EIF2B3: variants seen among roughly 807,000 people sequenced by gnomAD.
EIF2B3 encodes the protein eukaryotic translation initiation factor 2B subunit gamma, also known as translation initiation factor eIF2B subunit gamma.
A neutral mutation model predicts 54.1 loss-of-function variants in EIF2B3; 20 were observed. The observed-to-expected ratio is 0.37, with a 90% CI of 0.26 to 0.54. EIF2B3 has a LOEUF of 0.54. EIF2B3 is among the 20% of genes least tolerant of loss of function. The pLI, the probability that EIF2B3 is intolerant of heterozygous loss-of-function variation, is 0.86. For missense variants in EIF2B3, 448 were observed against 547.8 expected, an observed-to-expected ratio of 0.82 and a Z score of 1.82; for synonymous variants, 153 against 188.1, an observed-to-expected ratio of 0.81 and a Z score of 1.52.
intron 5 of EIF2B3, among the ~76,000 whole-genome samples, chr1:44,914,343 G>A (rs1569706549): frequency 6.6e-6 from 1 of 151,456 alleles, no homozygotes; most frequent in African/African-American, 2.4e-5. Flanking sequence ...TGTATTTTTA[G>A]TAGAAATGGG....
rs935287294 is a variant in EIF2B3, at chr1:44,927,506, C to T, written c.455-767G>A. 3.3e-5 allele frequency among the ~76,000 whole-genome samples: 5 copies of T among 152,220 alleles called. No homozygotes were observed. In the South Asian group the frequency reaches 6.2e-4, roughly 19 times the overall value. On this transcript the variant is annotated intron_variant, in intron 4 of 11. Transcript: ENST00000360403. ...CCCAAACACCTCCCACCAGGCCCTA[C>T]CTCCAACACTGGGGATTACATTTCA...
In EIF2B3 at chr1:44,874,842, T is replaced by C; in HGVS notation, c.1054-16A>G. The C allele has an allele frequency of 3.7e-6, 6 of 1,614,022 alleles. No individual in the cohort carries two copies. In the East Asian group the frequency reaches 1.3e-4, roughly 36 times the overall value. ...CAACTCCAACCTGTAAAAGGCAAAATATAAAACTCTGTCCACCCATCTCAA... is the reference window on the plus strand; with the variant it reads ...CAACTCCAACCTGTAAAAGGCAAAACATAAAACTCTGTCCACCCATCTCAA... On this transcript the variant is annotated splice_polypyrimidine_tract_variant and intron_variant, in intron 9 of 11. Coordinates refer to ENST00000360403, the MANE Select transcript of EIF2B3 (RefSeq NM_020365.5).
At chr1:44,971,858 C>T (rs1466404786) in intron 3 of EIF2B3, among the ~76,000 whole-genome samples, 1 of 151,622 alleles carries the variant, frequency 6.6e-6, no homozygotes, top group Non-Finnish European at 1.5e-5. Context: ...TGGTGAAACC[C>T]CGTCTCTATA....
At position 44,874,750 on chromosome 1, in the gene EIF2B3, G is replaced by A. The variant is rs774696817; in HGVS notation, c.1130C>T (p.Ser377Leu). 3.3e-5 allele frequency: 54 copies of A among 1,614,042 alleles called. No individual in the cohort carries two copies. The East Asian group carries it at 8.0e-4, about 24-fold the overall frequency. ...CACTCTATCTTTTATGAGACAGGAT[G>A]AGCCAATGACTGAGCGCTTAATGGA... Reference protein sequence around the residue: ...KSSIKRSVIGSSCLIKDRVTI... With the variant: ...KSSIKRSVIGLSCLIKDRVTI... Residue 377 changes from serine (S) to leucine (L), a missense_variant, in exon 10 of 12, where the codon TCA (serine) becomes TTA (leucine). Ser to Leu is a moderately radical substitution (Grantham distance 145, BLOSUM62 -2). This residue lies in a region of EIF2B3 where 350 missense variants were observed against 414.2 expected (regional missense o/e 0.85). Transcript: ENST00000360403.
rs541326168 is a variant in EIF2B3, at chr1:44,857,562, C to T, written c.1306+142G>A. On this transcript the variant is annotated intron_variant, in intron 11 of 11. Coordinates refer to ENST00000360403, the MANE Select transcript of EIF2B3 (RefSeq NM_020365.5). ...AAAAAATTGACAGTGATGTCAACTGCTCTCCAAAGATGGCTTTATCAATTT... is the reference window on the plus strand; with the variant it reads ...AAAAAATTGACAGTGATGTCAACTGTTCTCCAAAGATGGCTTTATCAATTT... 9.0e-6 allele frequency: 7 copies of T among 781,546 alleles called. No individual in the cohort carries two copies. The East Asian group carries it at 1.8e-4, about 20-fold the overall frequency. The allele number at this position is 781,546 out of a possible 1,614,324, so 48.4% of individuals were successfully genotyped here.
chr1:44,955,467 C>T (rs907981787), intron 3 of EIF2B3, among the ~76,000 whole-genome samples: 4 of 151,984 alleles, frequency 2.6e-5, no homozygotes, highest in African/African-American at 4.8e-5. Context: ...AAAGACTCCA[C>T]GACTAAAACA....
At chr1:44,963,928 C>T (rs371098) in intron 3 of EIF2B3, among the ~76,000 whole-genome samples, 28,557 of 152,010 alleles carry the variant, frequency 0.19, 2,843 homozygotes, top group African/African-American at 0.23. Context: ...TTAAAAGAAT[C>T]AGACTCAAAC....
At chr1:44,962,839 C>T (rs1446080103) in intron 3 of EIF2B3, among the ~76,000 whole-genome samples, 1 of 152,172 alleles carries the variant, frequency 6.6e-6, no homozygotes, top group Non-Finnish European at 1.5e-5. Context: ...ACTCTTTGTG[C>T]CAGGCCCAGA....
intron 5 of EIF2B3, among the ~76,000 whole-genome samples, chr1:44,917,733 T>A (rs1643652345): frequency 6.7e-6 from 1 of 150,136 alleles, no homozygotes; most frequent in Admixed American, 6.6e-5. Flanking sequence ...CACTTAGTAT[T>A]TATTTTGCCA....
intron 5 of EIF2B3, 68 bp from the exon 6 acceptor site, chr1:44,897,512 T>C (rs889783179): frequency 6.4e-6 from 8 of 1,250,630 alleles, no homozygotes; most frequent in Non-Finnish European, 9.0e-6. Context: ...GTCTCCATTC[T>C]ATTATCAGGT....
At chr1:44,894,122 A>G (rs1039625622) in intron 6 of EIF2B3, among the ~76,000 whole-genome samples, 1 of 152,198 alleles carries the variant, frequency 6.6e-6, no homozygotes, top group Non-Finnish European at 1.5e-5. Flanking sequence ...ACCAGCTGAC[A>G]TTATAAAACA....
chr1:44,922,738 T>A (rs552981028), intron 5 of EIF2B3, among the ~76,000 whole-genome samples: 2 of 152,104 alleles, frequency 1.3e-5, no homozygotes, highest in South Asian at 4.1e-4. Context: ...TAATTTTCAT[T>A]GTAGAGACCT....
At chr1:44,977,507 C>T (rs1329553744) in intron 3 of EIF2B3, among the ~76,000 whole-genome samples, 1 of 151,634 alleles carries the variant, frequency 6.6e-6, no homozygotes, top group East Asian at 1.9e-4. Context: ...CTCTGTTGCC[C>T]AGGCTGGAGT....
intron 3 of EIF2B3, among the ~76,000 whole-genome samples, chr1:44,957,664 G>A (rs991146125): frequency 2.0e-5 from 3 of 152,130 alleles, no homozygotes; most frequent in Admixed American, 2.0e-4. Context: ...TGGAGGCTGA[G>A]GCAGGATAAT....
At position 44,878,592 on chromosome 1, in the gene EIF2B3, T is replaced by C. The variant is rs1655275481; in HGVS notation, c.975+1226A>G. 2.0e-5 allele frequency among the ~76,000 whole-genome samples: 3 copies of C among 151,960 alleles called. No homozygotes were observed. In the South Asian group the frequency reaches 6.2e-4, roughly 32 times the overall value. On this transcript the variant is annotated intron_variant, in intron 8 of 11. Transcript: ENST00000360403. ...TCCCAATTTTCAACAATTTCTTTTA[T>C]ATTATTCTGCGCTCCACTGCCACCC...
At chr1:44,871,874 C>CTT (rs71040515) in intron 10 of EIF2B3, among the ~76,000 whole-genome samples, 16,436 of 118,776 alleles carry the variant, frequency 0.14, 1,465 homozygotes, top group Non-Finnish European at 0.17. Context: ...ACTTCACAAT[C>CTT]TTTTTTTTTT....
chr1:44,883,807 T>C (rs541151564), intron 6 of EIF2B3, among the ~76,000 whole-genome samples: 56 of 152,172 alleles, frequency 3.7e-4, no homozygotes, highest in Non-Finnish European at 6.5e-4. Flanking sequence ...GGAGTTACAG[T>C]AGCAGTCTAG....
chr1:44,961,931 C>T (rs1003859327), intron 3 of EIF2B3, among the ~76,000 whole-genome samples: 1 of 152,136 alleles, frequency 6.6e-6, no homozygotes, highest in African/African-American at 2.4e-5. Context: ...GTGGCTCACA[C>T]CTGTAATCCC....
At chr1:44,856,379 G>A (rs1654435195) in intron 11 of EIF2B3, among the ~76,000 whole-genome samples, 1 of 151,880 alleles carries the variant, frequency 6.6e-6, no homozygotes, top group African/African-American at 2.4e-5. Flanking sequence ...GCCAAGGGTG[G>A]TGGTGTGCCC....
Sources: allele counts gnomAD v4.1 joint callset (sites outside exome capture counted in the v4.1 genomes callset), GRCh38; gene constraint gnomAD v4.1.1; regional missense constraint gnomAD v4.1.1; transcripts MANE v1.5; gene names NCBI Gene and HGNC (gene_info 2026-07-23, HGNC 2026-07-21).